Variants in BMP2K observed in about 807,000 individuals in gnomAD.
BMP2K encodes the protein BMP2 inducible kinase, also known as BMP-2-inducible protein kinase.
Under a neutral mutation model 116.0 loss-of-function variants are expected in BMP2K, and 74 were observed. The ratio of observed to expected loss-of-function variants is 0.64; its 90% CI spans 0.53 to 0.77. The LOEUF (loss-of-function observed/expected upper bound fraction) is 0.77. Ranked by LOEUF, BMP2K falls within the 30% of genes least tolerant of loss-of-function variation. The pLI, the probability that BMP2K is intolerant of heterozygous loss-of-function variation, is 0.00. For missense variants in BMP2K, 1,365 were observed against 1,403.6 expected (o/e 0.97, Z 0.44); for synonymous variants, 486 against 502.5 (o/e 0.97, Z 0.44).
chr4:78,776,478 G>C lies in BMP2K; in HGVS notation c.-66G>C. On this transcript the variant is annotated 5_prime_UTR_variant, in exon 1 of 16. Coordinates refer to ENST00000502613, the MANE Select transcript of BMP2K (RefSeq NM_198892.2). ...GGCGGCGACCCCTCGCGGACGCCCG[G>C]CTGCGCGCCGGGCCGGGGACTTGCC... 1 of 1,109,830 alleles carries C rather than the reference G, an allele frequency of 9.0e-7. No homozygotes were observed. The highest frequency in any genetic ancestry group is 1.1e-6 in the Non-Finnish European group (1 of 909,706). The allele number at this position is 1,109,830 out of a possible 1,614,324, so 68.7% of individuals were successfully genotyped here.
rs1306525463 is a variant in BMP2K, at chr4:78,915,479, T to C, written c.*3446T>C. 1 of 151,982 alleles carries C rather than the reference T, an allele frequency of 6.6e-6. No homozygotes were observed. Among genetic ancestry groups the C allele is most frequent in the Non-Finnish European group, 1.5e-5 (1 of 67,898 alleles). The allele number at this position is 151,982 out of a possible 1,614,324, so 9.4% of individuals were successfully genotyped here. A position where few individuals can be genotyped will look rare whatever the true frequency, so the allele number is the denominator to read the frequency against. ...TAAACTTTTTTCTCATTTTTTTTTC[T>C]TTTTAGCAAACTTGTTATTTTAGGT... On this transcript the variant is annotated 3_prime_UTR_variant, in exon 16 of 16. Coordinates refer to ENST00000502613, the MANE Select transcript of BMP2K (RefSeq NM_198892.2).
chr4:78,822,595 AG>A (rs1729674697), intron 1 of BMP2K, among the ~76,000 whole-genome samples: 1 of 152,138 alleles, frequency 6.6e-6, no homozygotes, highest in South Asian at 2.1e-4. Context: ...TGGGATTTTG[AG>A]AACATTTAGA....
rs374644781 is a variant in BMP2K, at chr4:78,783,105, T to G, written c.178+6384T>G. Among the ~76,000 whole-genome samples, 135 of 152,354 alleles carry G rather than the reference T, an allele frequency of 8.9e-4. 2 individuals are homozygous for G. The South Asian group carries it at 0.025, about 28-fold the overall frequency. On this transcript the variant is annotated intron_variant, in intron 1 of 15. Transcript: ENST00000502613. ...AAATTATAGTGACTTTATTATATATTTGGTATCACATTTATCCTGAATAAG... is the reference window on the plus strand; with the variant it reads ...AAATTATAGTGACTTTATTATATATGTGGTATCACATTTATCCTGAATAAG...
intron 3 of BMP2K, among the ~76,000 whole-genome samples, chr4:78,837,017 A>G (rs1730518177): frequency 6.6e-6 from 1 of 151,858 alleles, no homozygotes; most frequent in African/African-American, 2.4e-5. Context: ...CTGTTCTCTT[A>G]CTGGACTTCT....
At chr4:78,897,271 AAATGTTCAGTAC>A (rs948230066) in intron 15 of BMP2K, among the ~76,000 whole-genome samples, 37 of 152,242 alleles carry the variant, frequency 2.4e-4, no homozygotes, top group Middle Eastern at 6.8e-3. Context: ...GCAGCTATAA[AAATGTTCAGTAC>A]AACATTAGTT....
intron 10 of BMP2K, among the ~76,000 whole-genome samples, chr4:78,866,961 C>T (rs1011484476): frequency 5.3e-5 from 8 of 152,064 alleles, no homozygotes; most frequent in Non-Finnish European, 1.0e-4. Context: ...CTTGTAATCC[C>T]AGCACTTTGG....
At chr4:78,844,887 A>G (rs768617883) in intron 4 of BMP2K, 41 bp from the exon 5 acceptor site, 5 of 1,518,656 alleles carry the variant, frequency 3.3e-6, no homozygotes, top group Admixed American at 3.7e-5. Flanking sequence ...GTTAATTTTC[A>G]CTTTGAAAAT....
At chr4:78,805,897 G>A (rs1011358863) in intron 1 of BMP2K, among the ~76,000 whole-genome samples, 1 of 152,172 alleles carries the variant, frequency 6.6e-6, no homozygotes, top group African/African-American at 2.4e-5. Flanking sequence ...CTTGAATCCG[G>A]GAGGCGGAGG....
chr4:78,878,486 G>C (rs1326495250), intron 13 of BMP2K, among the ~76,000 whole-genome samples: 2 of 152,106 alleles, frequency 1.3e-5, no homozygotes, highest in Non-Finnish European at 2.9e-5. Flanking sequence ...AGAAGTTAAG[G>C]AACTTGCCCA....
intron 4 of BMP2K, among the ~76,000 whole-genome samples, chr4:78,842,863 C>G (rs1226544126): frequency 6.6e-6 from 1 of 152,010 alleles, no homozygotes; most frequent in Non-Finnish European, 1.5e-5. Flanking sequence ...TCTCTCAGTT[C>G]AGCCAGCATT....
In BMP2K at chr4:78,859,672, A is replaced by G. The variant is rs1189824373; in HGVS notation, c.972A>G (p.Pro324=). 6.3e-7 allele frequency: 1 copy of G among 1,591,146 alleles called. No individual in the cohort carries two copies. The highest frequency in any genetic ancestry group is 2.2e-5 in the East Asian group (1 of 44,686). The change falls in exon 8 of 16, where the codon CCA becomes CCG. Residue 324 remains proline (P), a synonymous_variant. Coordinates refer to ENST00000502613, the MANE Select transcript of BMP2K (RefSeq NM_198892.2). ...FAFKFAKKDC[P]VSNINNSSIP... ...TTAAATTTGCCAAAAAGGATTGTCCAGTCTCCAACATCAATGTAAGTAGAT... is the reference window on the plus strand; with the variant it reads ...TTAAATTTGCCAAAAAGGATTGTCCGGTCTCCAACATCAATGTAAGTAGAT...
chr4:78,862,617 C>T (rs1004955518), intron 9 of BMP2K, among the ~76,000 whole-genome samples: 3 of 152,004 alleles, frequency 2.0e-5, no homozygotes, highest in Admixed American at 2.0e-4. Flanking sequence ...GAAATTTGGA[C>T]TTTGGCCTAT....
At position 78,846,362 on chromosome 4, in the gene BMP2K, G is replaced by A. The variant is rs554189796; in HGVS notation, c.669-826G>A. Among the ~76,000 whole-genome samples the A allele has an allele frequency of 2.6e-5, 4 of 151,690 alleles. No homozygotes were observed. In the East Asian group the frequency reaches 5.8e-4, roughly 22 times the overall value. On this transcript the variant is annotated intron_variant, in intron 5 of 15. Coordinates refer to ENST00000502613, the MANE Select transcript of BMP2K (RefSeq NM_198892.2). ...CTTAGGTCATTCCTCCACAGTAGTA[G>A]TATTCAGACTCTCTCACCAGTCAGA...
intron 3 of BMP2K, among the ~76,000 whole-genome samples, chr4:78,834,511 T>C (rs1431085379): frequency 6.6e-6 from 1 of 152,194 alleles, no homozygotes; most frequent in Non-Finnish European, 1.5e-5. Context: ...TCCGCCCGCC[T>C]CAGCCTCCCA....
intron 15 of BMP2K, among the ~76,000 whole-genome samples, chr4:78,894,572 G>T (rs1021308240): frequency 1.3e-5 from 2 of 152,184 alleles, no homozygotes; most frequent in Non-Finnish European, 1.5e-5. Flanking sequence ...TAAGGCTTTG[G>T]CTTACGGGAA....
At chr4:78,803,986 A>G (rs1260719371) in intron 1 of BMP2K, among the ~76,000 whole-genome samples, 1 of 152,192 alleles carries the variant, frequency 6.6e-6, no homozygotes, top group African/African-American at 2.4e-5. Context: ...AACATATCAT[A>G]AACTTTACCC....
chr4:78,776,980 G>C lies in BMP2K; in HGVS notation c.178+259G>C, dbSNP rs991846865. Among the ~76,000 whole-genome samples the C allele has an allele frequency of 4.6e-5, 7 of 152,144 alleles. No individual in the cohort carries two copies. The South Asian group carries it at 1.4e-3, about 32-fold the overall frequency. ...CTGTGCTTTTTGACGCGAGAAAATAGGTAGTAGACGGGCTAGGAAGTGGGT... is the reference window on the plus strand; with the variant it reads ...CTGTGCTTTTTGACGCGAGAAAATACGTAGTAGACGGGCTAGGAAGTGGGT... On this transcript the variant is annotated intron_variant, in intron 1 of 15. Transcript: ENST00000502613.
rs1251186741 is a variant in BMP2K, at chr4:78,911,455, G to A, written c.2908G>A (p.Val970Ile). ...AATAACGGGGAGCCAGCAGCAAAAA[G>A]TCAAACAGCGCAGCTTACAGAAACT... ...DEITGSQQQK[V>I]KQRSLQKLSS... is the part of the protein sequence containing the mutation. Residue 970 changes from valine to isoleucine, a missense_variant, in exon 16 of 16, where the codon GTC becomes ATC. Coordinates refer to ENST00000502613, the MANE Select transcript of BMP2K (RefSeq NM_198892.2). 6.2e-7 allele frequency: 1 copy of A among 1,613,906 alleles called. No individual in the cohort carries two copies. Among genetic ancestry groups the A allele is most frequent in the Non-Finnish European group, 8.5e-7 (1 of 1,179,896 alleles).
intron 15 of BMP2K, among the ~76,000 whole-genome samples, chr4:78,909,458 C>T (rs1226154437): frequency 6.6e-6 from 1 of 152,106 alleles, no homozygotes; most frequent in Non-Finnish European, 1.5e-5. Flanking sequence ...GAAATATACG[C>T]TGCTTATCAT....
Sources: gnomAD v4.1 joint callset for allele counts (sites outside exome capture counted in the v4.1 genomes callset) on GRCh38, gnomAD v4.1.1 for gene constraint, MANE v1.5 for transcripts, NCBI Gene and HGNC (gene_info 2026-07-23, HGNC 2026-07-21) for gene names.